The following PPFIBP1 variants were observed in gnomAD, a reference collection of about 807,000 sequenced individuals.
The protein encoded by PPFIBP1 is PPFIB scaffold protein 1.
In PPFIBP1, 112 loss-of-function variants were observed where a neutral mutation model predicts 137.8. The ratio of observed to expected loss-of-function variants is 0.81; its 90% CI spans 0.70 to 0.95. The LOEUF is 0.95. Among genes scored for constraint, PPFIBP1 ranks in the 40% least tolerant of loss-of-function variants. PPFIBP1 has a pLI of 0.00. For missense variants in PPFIBP1, 1,083 were observed against 1,196.6 expected, an observed-to-expected ratio of 0.91 and a Z score of 1.40; for synonymous variants, 378 against 417.3, an observed-to-expected ratio of 0.91 and a Z score of 1.15.
chr12:27,678,342 A>C (rs547612578), intron 19 of PPFIBP1, among the ~76,000 whole-genome samples: 12 of 152,218 alleles, frequency 7.9e-5, no homozygotes, highest in African/African-American at 2.9e-4. Context: ...ACAGGCACTT[A>C]CTTTATGTCA....
chr12:27,658,150 A>G (rs2059330781), intron 9 of PPFIBP1, among the ~76,000 whole-genome samples: 1 of 151,754 alleles, frequency 6.6e-6, no homozygotes, highest in Non-Finnish European at 1.5e-5. Flanking sequence ...AAAAAAAAAA[A>G]AAAAAAAGAA....
At chr12:27,674,335 A>G in intron 17 of PPFIBP1, 114 bp downstream of exon 17, 1 of 667,892 alleles carries the variant, frequency 1.5e-6, no homozygotes, top group Non-Finnish European at 2.5e-6. Flanking sequence ...ATTATGCTAA[A>G]TGAAGCCAGA....
intron 2 of PPFIBP1, among the ~76,000 whole-genome samples, chr12:27,591,058 A>C (rs182270129): frequency 1.3e-5 from 2 of 151,964 alleles, no homozygotes; most frequent in Admixed American, 1.3e-4. Context: ...GCCTGATTTT[A>C]TCTCTTAAAT....
chr12:27,580,488 A>G (rs73078241), intron 2 of PPFIBP1, among the ~76,000 whole-genome samples: 30,171 of 152,052 alleles, frequency 0.2, 3,239 homozygotes, highest in Middle Eastern at 0.27. Context: ...ATCTGCTGTA[A>G]CAATTGACTA....
chr12:27,599,542 C>T, intron 2 of PPFIBP1: 1 of 454,720 alleles, frequency 2.2e-6, no homozygotes, highest in Non-Finnish European at 4.4e-6. Flanking sequence ...GCCTTCCTTC[C>T]TTCCTTTTTC....
chr12:27,663,274 C>A (rs1449991559), intron 11 of PPFIBP1, among the ~76,000 whole-genome samples: 1 of 152,134 alleles, frequency 6.6e-6, no homozygotes, highest in Non-Finnish European at 1.5e-5. Flanking sequence ...CCAAAGCCAG[C>A]CACATGGCCA....
intron 2 of PPFIBP1, among the ~76,000 whole-genome samples, chr12:27,610,930 G>A (rs1473439624): frequency 6.6e-6 from 1 of 151,208 alleles, no homozygotes; most frequent in Non-Finnish European, 1.5e-5. Flanking sequence ...TTTACTAGGG[G>A]TGAGGTGGGG....
intron 17 of PPFIBP1, among the ~76,000 whole-genome samples, chr12:27,674,780 G>A (rs1456162100): frequency 6.8e-6 from 1 of 146,972 alleles, no homozygotes; most frequent in African/African-American, 2.5e-5. Context: ...TAAAGATGTC[G>A]TCAACATGTG....
chr12:27,635,944 T>C (rs1443165530), intron 4 of PPFIBP1: 4 of 152,202 alleles, frequency 2.6e-5, no homozygotes, highest in African/African-American at 4.8e-5. Context: ...TATTTTGTGC[T>C]TAAAGGATAT....
chr12:27,618,317 C>T (rs142397221), intron 2 of PPFIBP1, among the ~76,000 whole-genome samples: 3 of 152,272 alleles, frequency 2.0e-5, no homozygotes, highest in Non-Finnish European at 2.9e-5. Flanking sequence ...TAGTTTAGGC[C>T]GTGATGGGAA....
Position 27,646,120 on chromosome 12 carries a change from A to G in PPFIBP1, c.329A>G (p.Glu110Gly), listed in dbSNP as rs1175031820. The change falls in exon 5 of 30, where the codon GAA (glutamate) becomes GGA (glycine). Residue 110 changes from glutamate to glycine, a missense_variant. By Grantham distance (98) the Glu-to-Gly change is moderately conservative. Coordinates refer to ENST00000228425, the MANE Select transcript of PPFIBP1 (RefSeq NM_003622.4). ...TATCAAGAAAGGCTGGCACGTTTAG[A>G]AAATGATAAAGAATCCCTCGTTCTT... ...DVYQERLARL[E>G]NDKESLVLQV... The G allele has an allele frequency of 3.1e-6, 5 of 1,610,910 alleles. No individual in the cohort carries two copies. The highest frequency in any genetic ancestry group is 4.2e-6 in the Non-Finnish European group (5 of 1,177,366).
At chr12:27,667,436 C>A in intron 13 of PPFIBP1, 116 bp downstream of exon 13, 1 of 894,278 alleles carries the variant, frequency 1.1e-6, no homozygotes, top group Non-Finnish European at 1.6e-6. Flanking sequence ...ATCACCAACT[C>A]AAGTGAGGTT....
intron 11 of PPFIBP1, among the ~76,000 whole-genome samples, chr12:27,661,671 G>A (rs4931231): frequency 0.99 from 151,422 of 152,368 alleles, 75,253 homozygotes; most frequent in East Asian, 1. Context: ...ATAGAACCAG[G>A]GGACATTTTC....
intron 1 of PPFIBP1, among the ~76,000 whole-genome samples, chr12:27,542,222 G>A (rs1945749665): frequency 6.6e-6 from 1 of 152,126 alleles, no homozygotes; most frequent in Non-Finnish European, 1.5e-5. Flanking sequence ...TATTTACATA[G>A]CATTTACGTT....
intron 2 of PPFIBP1, among the ~76,000 whole-genome samples, chr12:27,617,339 C>T (rs2055870645): frequency 6.6e-6 from 1 of 152,176 alleles, no homozygotes; most frequent in Admixed American, 6.5e-5. Context: ...TGTCTCTTGG[C>T]AGGTGGGATC....
intron 24 of PPFIBP1, among the ~76,000 whole-genome samples, chr12:27,686,417 G>A (rs1177542519): frequency 6.6e-6 from 1 of 152,038 alleles, no homozygotes; most frequent in South Asian, 2.1e-4. Context: ...GGTGTGTTTG[G>A]TATATTTGAA....
intron 2 of PPFIBP1, chr12:27,599,368 A>T (rs2137660465): frequency 2.3e-6 from 1 of 440,046 alleles, no homozygotes; most frequent in South Asian, 1.6e-5. Flanking sequence ...TTACACTATC[A>T]GCCCTCCTGC....
chr12:27,555,224 A>G (rs946804141), intron 1 of PPFIBP1, among the ~76,000 whole-genome samples: 1 of 152,166 alleles, frequency 6.6e-6, no homozygotes, highest in Non-Finnish European at 1.5e-5. Context: ...AATAGCTAGC[A>G]CCCCTGGTTC....
At chr12:27,636,210 A>G (rs1549402) in intron 4 of PPFIBP1, 1 of 151,432 alleles carries the variant, frequency 6.6e-6, no homozygotes, top group Admixed American at 6.6e-5. Flanking sequence ...CGTTTCTGAG[A>G]GCGAATAGTA....
Sources: allele counts gnomAD v4.1 joint callset (sites outside exome capture counted in the v4.1 genomes callset), GRCh38; gene constraint gnomAD v4.1.1; transcripts MANE v1.5; gene names NCBI Gene and HGNC (gene_info 2026-07-23, HGNC 2026-07-21).